Variants in SLC39A11 observed in about 807,000 individuals in gnomAD.
The protein encoded by SLC39A11 is solute carrier family 39 member 11, also known as zinc transporter ZIP11.
SLC39A11 carries 33 observed loss-of-function variants against 36.1 expected under a neutral mutation model. The observed-to-expected ratio is 0.91, with a 90% CI of 0.69 to 1.22. SLC39A11 has a LOEUF of 1.22. Ranked by LOEUF, SLC39A11 falls within the 50% of genes most tolerant of loss-of-function variation. SLC39A11 has a pLI of 0.00. For missense variants in SLC39A11, 432 were observed against 430.3 expected, an observed-to-expected ratio of 1.00 and a Z score of -0.03; for synonymous variants, 166 against 170.3, an observed-to-expected ratio of 0.97 and a Z score of 0.20.
At chr17:72,894,077 G>A (rs1162497221) in intron 5 of SLC39A11, among the ~76,000 whole-genome samples, 2 of 151,984 alleles carry the variant, frequency 1.3e-5, no homozygotes, top group Non-Finnish European at 2.9e-5. Context: ...AAATTACAGA[G>A]GGGGTTGGGC....
intron 5 of SLC39A11, among the ~76,000 whole-genome samples, chr17:72,899,984 A>AAGAAAGAGAGAGAG (rs1567910626): frequency 8.7e-6 from 1 of 115,144 alleles, no homozygotes; most frequent in Admixed American, 1.0e-4. Flanking sequence ...GAGAGAGAGA[A>AAGAAAGAGAGAGAG]AGAAAGAGAG....
intron 7 of SLC39A11, among the ~76,000 whole-genome samples, chr17:72,654,522 G>A (rs1455941885): frequency 1.3e-5 from 2 of 152,130 alleles, no homozygotes; most frequent in Non-Finnish European, 2.9e-5. Flanking sequence ...ATAAATTCTT[G>A]CCAATATTTC....
intron 6 of SLC39A11, among the ~76,000 whole-genome samples, chr17:72,750,730 C>A (rs986371044): frequency 1.3e-5 from 2 of 151,910 alleles, no homozygotes; most frequent in African/African-American, 4.8e-5. Flanking sequence ...ACGTATGTAT[C>A]CAAGGGAGGG....
chr17:72,976,339 G>T (rs1429764537), intron 4 of SLC39A11, among the ~76,000 whole-genome samples: 1 of 152,064 alleles, frequency 6.6e-6, no homozygotes, highest in Non-Finnish European at 1.5e-5. Flanking sequence ...ACCACTTTAA[G>T]ATCACACCTC....
chr17:72,854,943 G>A (rs2079558090), intron 5 of SLC39A11, among the ~76,000 whole-genome samples: 1 of 152,182 alleles, frequency 6.6e-6, no homozygotes, highest in Non-Finnish European at 1.5e-5. Flanking sequence ...AACATCATAG[G>A]ATGGAGAAAA....
chr17:72,796,906 G>A (rs558280782), intron 6 of SLC39A11, among the ~76,000 whole-genome samples: 8 of 152,238 alleles, frequency 5.3e-5, no homozygotes, highest in African/African-American at 9.6e-5. Flanking sequence ...ACACACAGAC[G>A]AAATGATGAC....
intron 6 of SLC39A11, among the ~76,000 whole-genome samples, chr17:72,840,610 T>G (rs1465749292): frequency 6.6e-6 from 1 of 152,014 alleles, no homozygotes; most frequent in Non-Finnish European, 1.5e-5. Context: ...AGTACAAAAA[T>G]TAGATGGGCG....
At chr17:72,701,969 G>A (rs549675667) in intron 7 of SLC39A11, among the ~76,000 whole-genome samples, 16 of 152,254 alleles carry the variant, frequency 1.1e-4, no homozygotes, top group African/African-American at 3.6e-4. Flanking sequence ...AGCCAGCTGT[G>A]GTGGTGCCTG....
intron 3 of SLC39A11, among the ~76,000 whole-genome samples, chr17:73,056,479 C>G (rs564700992): frequency 9.2e-5 from 14 of 152,120 alleles, no homozygotes; most frequent in Non-Finnish European, 1.9e-4. Flanking sequence ...GGACTCTGCT[C>G]TTTTTACATT....
intron 4 of SLC39A11, among the ~76,000 whole-genome samples, chr17:72,959,552 C>A (rs374359953): frequency 6.6e-6 from 1 of 151,438 alleles, no homozygotes; most frequent in Non-Finnish European, 1.5e-5. Context: ...ATACAACGGA[C>A]TTTGGGAACT....
chr17:72,910,233 T>C (rs549451302), intron 5 of SLC39A11, among the ~76,000 whole-genome samples: 2 of 152,292 alleles, frequency 1.3e-5, no homozygotes, highest in African/African-American at 4.8e-5. Context: ...GGTGGGGTCA[T>C]TCATACCCCT....
chr17:72,692,583 C>T (rs1362918878), intron 7 of SLC39A11, among the ~76,000 whole-genome samples: 1 of 152,192 alleles, frequency 6.6e-6, no homozygotes, highest in African/African-American at 2.4e-5. Flanking sequence ...TTCACTATCA[C>T]GAGAATAGCA....
At chr17:72,723,154 T>C (rs2073772251) in intron 7 of SLC39A11, among the ~76,000 whole-genome samples, 1 of 152,162 alleles carries the variant, frequency 6.6e-6, no homozygotes. Context: ...ACGTAGAAAC[T>C]GAGGCACATA....
chr17:72,745,529 A>G (rs546516265), intron 6 of SLC39A11, among the ~76,000 whole-genome samples: 1 of 152,286 alleles, frequency 6.6e-6, no homozygotes, highest in Non-Finnish European at 1.5e-5. Context: ...GTTTTCTCAC[A>G]GGGGATCCCT....
chr17:72,783,850 C>G (rs968235780), intron 6 of SLC39A11, among the ~76,000 whole-genome samples: 2 of 152,114 alleles, frequency 1.3e-5, no homozygotes, highest in African/African-American at 4.8e-5. Context: ...TTCCAAGGAG[C>G]TGGGGGGTCT....
intron 3 of SLC39A11, among the ~76,000 whole-genome samples, chr17:73,046,401 G>T (rs1429118979): frequency 6.6e-6 from 1 of 152,210 alleles, no homozygotes; most frequent in Non-Finnish European, 1.5e-5. Context: ...TGGAAGGCAG[G>T]AGGTAAGGAG....
chr17:72,727,359 A>G (rs1338910372), intron 7 of SLC39A11, among the ~76,000 whole-genome samples: 1 of 152,230 alleles, frequency 6.6e-6, no homozygotes, highest in African/African-American at 2.4e-5. Flanking sequence ...CAGAACAGAA[A>G]GAAGCAAGCT....
chr17:72,961,229 A>G (rs2086588860), intron 4 of SLC39A11, among the ~76,000 whole-genome samples: 1 of 152,222 alleles, frequency 6.6e-6, no homozygotes, highest in African/African-American at 2.4e-5. Flanking sequence ...GATCATTAAA[A>G]GTCAGGAAAC....
intron 5 of SLC39A11, among the ~76,000 whole-genome samples, chr17:72,873,155 A>G (rs1354299492): frequency 6.6e-6 from 1 of 151,982 alleles, no homozygotes; most frequent in Non-Finnish European, 1.5e-5. Context: ...TATTCTTAAC[A>G]TCGCTATTAT....
Sources: allele counts gnomAD v4.1 joint callset (sites outside exome capture counted in the v4.1 genomes callset), GRCh38; gene constraint gnomAD v4.1.1; transcripts MANE v1.5; gene names NCBI Gene and HGNC (gene_info 2026-07-23, HGNC 2026-07-21).